NWD2: variants seen among roughly 807,000 people sequenced by gnomAD.
NWD2 encodes the protein NACHT and WD repeat domain containing 2.
Under a neutral mutation model 132.7 loss-of-function variants are expected in NWD2, and 37 were observed. The observed-to-expected ratio is 0.28, with a 90% confidence interval of 0.21 to 0.37. The LOEUF is 0.37. Ranked by LOEUF, NWD2 falls within the 10% of genes least tolerant of loss-of-function variation. The pLI, the probability that NWD2 is intolerant of heterozygous loss-of-function variation, is 1.00. For synonymous variants in NWD2, 705 were observed against 803.0 expected (o/e 0.88, Z 2.06); for missense variants, 1,592 against 2,122.4 (o/e 0.75, Z 4.91).
intron 1 of NWD2, among the ~76,000 whole-genome samples, chr4:37,246,900 A>G (rs1339941500): frequency 1.3e-5 from 2 of 152,326 alleles, no homozygotes; most frequent in East Asian, 1.9e-4. Flanking sequence ...GATAAAAACG[A>G]TACTGAATTT....
At chr4:37,253,446 C>T (rs778022353) in intron 1 of NWD2, among the ~76,000 whole-genome samples, 5 of 152,152 alleles carry the variant, frequency 3.3e-5, no homozygotes, top group South Asian at 4.1e-4. Context: ...GCCATGCTCC[C>T]CGGAACAGGT....
At position 37,407,853 on chromosome 4, in the gene NWD2, G is replaced by T. The variant is rs112978566; in HGVS notation, c.358-22719G>T. Among the ~76,000 whole-genome samples the T allele has an allele frequency of 1.1e-4, 17 of 152,332 alleles. 2 individuals carry two copies. The highest frequency in any genetic ancestry group is 3.1e-4 in the African/African-American group (13 of 41,592). Reference sequence around the variant, plus strand: ...GTACCTGGTTGATCTCATTGGGACTGGTTGGACAGTGGGTGCAGCCCATGG... The same window carrying T: ...GTACCTGGTTGATCTCATTGGGACTTGTTGGACAGTGGGTGCAGCCCATGG... On this transcript the variant is annotated intron_variant, in intron 3 of 6. Coordinates refer to ENST00000309447, the MANE Select transcript of NWD2 (RefSeq NM_001144990.2).
At chr4:37,251,208 G>A (rs1231498029) in intron 1 of NWD2, among the ~76,000 whole-genome samples, 1 of 152,206 alleles carries the variant, frequency 6.6e-6, no homozygotes, top group Non-Finnish European at 1.5e-5. Flanking sequence ...GAGCCTGGGA[G>A]GCAGAGGCAG....
At chr4:37,369,731 G>T (rs983881901) in intron 3 of NWD2, among the ~76,000 whole-genome samples, 1 of 152,134 alleles carries the variant, frequency 6.6e-6, no homozygotes, top group African/African-American at 2.4e-5. Context: ...AGGTAGAGGG[G>T]GGGTCAAAGT....
chr4:37,269,655 G>A (rs1452255278), intron 1 of NWD2, among the ~76,000 whole-genome samples: 1 of 151,872 alleles, frequency 6.6e-6, no homozygotes, highest in Non-Finnish European at 1.5e-5. Context: ...ATTTATTATG[G>A]TGTGTATCAG....
At chr4:37,397,055 T>A (rs1720805873) in intron 3 of NWD2, among the ~76,000 whole-genome samples, 1 of 151,138 alleles carries the variant, frequency 6.6e-6, no homozygotes, top group African/African-American at 2.4e-5. Flanking sequence ...GCGAAGCAAC[T>A]CCTCTGGTTT....
intron 1 of NWD2, among the ~76,000 whole-genome samples, chr4:37,282,662 C>T (rs928950441): frequency 9.9e-5 from 15 of 152,160 alleles, no homozygotes. Context: ...CGAGAACCTA[C>T]CTCTATCTTA....
At chr4:37,255,890 C>G (rs1483489981) in intron 1 of NWD2, among the ~76,000 whole-genome samples, 1 of 152,066 alleles carries the variant, frequency 6.6e-6, no homozygotes, top group Non-Finnish European at 1.5e-5. Context: ...ACAGGTGGCA[C>G]GAGCTGTGGT....
At chr4:37,392,791 C>G (rs971980168) in intron 3 of NWD2, among the ~76,000 whole-genome samples, 11 of 152,192 alleles carry the variant, frequency 7.2e-5, no homozygotes, top group African/African-American at 2.7e-4. Context: ...AAGACTGACT[C>G]AGCAGTTGGC....
At chr4:37,247,340 T>C (rs1175859991) in intron 1 of NWD2, among the ~76,000 whole-genome samples, 1 of 152,244 alleles carries the variant, frequency 6.6e-6, no homozygotes. Flanking sequence ...TGTTTTGGTA[T>C]GATCCAATAT....
chr4:37,278,440 G>A (rs576222227), intron 1 of NWD2, among the ~76,000 whole-genome samples: 2 of 152,288 alleles, frequency 1.3e-5, no homozygotes, highest in East Asian at 1.9e-4. Flanking sequence ...CAGATAAAAT[G>A]CCAGCCTCGT....
chr4:37,259,604 C>G (rs1717588660), intron 1 of NWD2, among the ~76,000 whole-genome samples: 1 of 152,184 alleles, frequency 6.6e-6, no homozygotes, highest in Non-Finnish European at 1.5e-5. Context: ...ATGTAACCAT[C>G]TGTCAATATA....
intron 3 of NWD2, among the ~76,000 whole-genome samples, chr4:37,401,035 T>C (rs189325458): frequency 6.6e-6 from 1 of 152,338 alleles, no homozygotes; most frequent in Admixed American, 6.5e-5. Context: ...GAACAAGTGA[T>C]CATAACACTT....
At chr4:37,297,062 T>G (rs1577659345) in intron 1 of NWD2, among the ~76,000 whole-genome samples, 1 of 152,176 alleles carries the variant, frequency 6.6e-6, no homozygotes, top group East Asian at 1.9e-4. Flanking sequence ...GGTTCCCATT[T>G]TACCACATTT....
intron 3 of NWD2, among the ~76,000 whole-genome samples, chr4:37,401,039 A>T (rs1176016802): frequency 6.6e-6 from 1 of 152,202 alleles, no homozygotes; most frequent in Non-Finnish European, 1.5e-5. Flanking sequence ...AAGTGATCAT[A>T]ACACTTGTGT....
intron 3 of NWD2, among the ~76,000 whole-genome samples, chr4:37,418,056 A>G (rs987451473): frequency 6.6e-6 from 1 of 152,140 alleles, no homozygotes; most frequent in African/African-American, 2.4e-5. Flanking sequence ...ATTTCTAATA[A>G]TATTCTCTAA....
At chr4:37,414,769 A>G (rs964292414) in intron 3 of NWD2, among the ~76,000 whole-genome samples, 3 of 152,236 alleles carry the variant, frequency 2.0e-5, no homozygotes, top group Non-Finnish European at 4.4e-5. Flanking sequence ...ATGGTGGATT[A>G]TTGATTAATT....
chr4:37,389,494 A>G (rs1439415509), intron 3 of NWD2, among the ~76,000 whole-genome samples: 1 of 152,168 alleles, frequency 6.6e-6, no homozygotes. Context: ...CACTTTTCGA[A>G]TCCATCCTTC....
At chr4:37,373,712 C>G (rs1720280492) in intron 3 of NWD2, among the ~76,000 whole-genome samples, 2 of 152,060 alleles carry the variant, frequency 1.3e-5, no homozygotes, top group African/African-American at 4.8e-5. Flanking sequence ...AATTTGTTCT[C>G]CAGCAACAGA....
Sources: gnomAD v4.1 joint callset for allele counts (sites outside exome capture counted in the v4.1 genomes callset) on GRCh38, gnomAD v4.1.1 for gene constraint, MANE v1.5 for transcripts, NCBI Gene and HGNC (gene_info 2026-07-23, HGNC 2026-07-21) for gene names.